Variants in TMEM132C observed in about 807,000 individuals in gnomAD.
TMEM132C encodes the protein transmembrane protein 132C, also known as protein phosphatase 1, regulatory subunit 152.
TMEM132C carries 29 observed loss-of-function variants against 61.4 expected under a neutral mutation model. That is an observed-to-expected ratio of 0.47 (90% CI 0.35 to 0.64). TMEM132C has a LOEUF of 0.64. Ranked by LOEUF, TMEM132C falls within the 30% of genes least tolerant of loss-of-function variation. The probability of loss-of-function intolerance (pLI) is 0.00; values close to 1 mark genes in which losing one functional copy is unlikely to be tolerated. For synonymous variants in TMEM132C, 656 were observed against 633.1 expected (o/e 1.04, Z -0.54); for missense variants, 1,408 against 1,476.9 (o/e 0.95, Z 0.76).
chr12:128,614,076 G>T (rs1309604452), intron 3 of TMEM132C, among the ~76,000 whole-genome samples: 3 of 152,156 alleles, frequency 2.0e-5, no homozygotes, highest in African/African-American at 7.2e-5. Context: ...GGATGCCAAG[G>T]CTCACCAGAA....
intron 1 of TMEM132C, among the ~76,000 whole-genome samples, chr12:128,379,786 G>A (rs1218675354): frequency 6.6e-6 from 1 of 152,176 alleles, no homozygotes; most frequent in Admixed American, 6.5e-5. Flanking sequence ...TGCATGTTCT[G>A]GGGCTTGGGC....
intron 3 of TMEM132C, among the ~76,000 whole-genome samples, chr12:128,545,332 A>G (rs114937605): frequency 0.069 from 10,428 of 152,226 alleles, 856 homozygotes; most frequent in African/African-American, 0.2. Flanking sequence ...GTAGTAGTCT[A>G]TGGTGGATGT....
intron 5 of TMEM132C, among the ~76,000 whole-genome samples, chr12:128,685,722 C>T (rs1019516587): frequency 1.3e-5 from 2 of 151,084 alleles, no homozygotes; most frequent in African/African-American, 4.9e-5. Flanking sequence ...GCCAGCTCAG[C>T]GTCATGGCTG....
intron 1 of TMEM132C, among the ~76,000 whole-genome samples, chr12:128,299,701 G>C (rs1341785437): frequency 6.6e-6 from 1 of 152,202 alleles, no homozygotes; most frequent in Non-Finnish European, 1.5e-5. Context: ...AGGGTGTATA[G>C]CTTGGTCACC....
intron 1 of TMEM132C, among the ~76,000 whole-genome samples, chr12:128,331,033 C>T (rs1184977067): frequency 6.6e-6 from 1 of 152,086 alleles, no homozygotes; most frequent in African/African-American, 2.4e-5. Context: ...TGAAAGAAAG[C>T]AAACATCACT....
chr12:128,437,337 G>A (rs1287095503), intron 2 of TMEM132C, among the ~76,000 whole-genome samples: 1 of 151,970 alleles, frequency 6.6e-6, no homozygotes, highest in Non-Finnish European at 1.5e-5. Flanking sequence ...TAAATATAAG[G>A]ACATTAATTG....
chr12:128,474,147 G>A (rs1871081141), intron 2 of TMEM132C, among the ~76,000 whole-genome samples: 1 of 152,194 alleles, frequency 6.6e-6, no homozygotes, highest in South Asian at 2.1e-4. Context: ...GCCCAGGGCT[G>A]AAACACAGAT....
intron 2 of TMEM132C, among the ~76,000 whole-genome samples, chr12:128,506,686 A>T (rs1403795847): frequency 1.3e-5 from 2 of 152,036 alleles, no homozygotes; most frequent in African/African-American, 4.8e-5. Context: ...TCTGTTGGTA[A>T]TGCCCGGCCT....
chr12:128,577,971 AC>A (rs2135557647), intron 3 of TMEM132C, among the ~76,000 whole-genome samples: 1 of 152,382 alleles, frequency 6.6e-6, no homozygotes, highest in Non-Finnish European at 1.5e-5. Flanking sequence ...ATTAGTACAT[AC>A]TATTATTATT....
intron 3 of TMEM132C, among the ~76,000 whole-genome samples, chr12:128,579,083 G>A (rs11059773): frequency 0.04 from 6,125 of 152,250 alleles, 271 homozygotes; most frequent in East Asian, 0.22. Flanking sequence ...ACACACAAGC[G>A]AATGCTGCCA....
intron 3 of TMEM132C, among the ~76,000 whole-genome samples, chr12:128,549,759 C>A (rs765209029): frequency 1.3e-5 from 2 of 152,092 alleles, no homozygotes; most frequent in Non-Finnish European, 2.9e-5. Flanking sequence ...CTGTGTGCCT[C>A]GCGCTCTCCA....
At chr12:128,394,406 C>T (rs145524796) in intron 1 of TMEM132C, among the ~76,000 whole-genome samples, 1 of 152,326 alleles carries the variant, frequency 6.6e-6, no homozygotes, top group African/African-American at 2.4e-5. Flanking sequence ...CTGCTGGGTA[C>T]TCTCTGGGCT....
At chr12:128,482,693 A>G (rs777273491) in intron 2 of TMEM132C, among the ~76,000 whole-genome samples, 1 of 152,026 alleles carries the variant, frequency 6.6e-6, no homozygotes, top group African/African-American at 2.4e-5. Flanking sequence ...TTCCTGGTTT[A>G]GTCTCGGGAG....
At chr12:128,379,342 A>G (rs932994296) in intron 1 of TMEM132C, among the ~76,000 whole-genome samples, 5 of 152,210 alleles carry the variant, frequency 3.3e-5, no homozygotes, top group Non-Finnish European at 5.9e-5. Context: ...GTTTTGGTCA[A>G]TCAGCCCACA....
At chr12:128,417,042 C>T (rs4882694) in intron 2 of TMEM132C, among the ~76,000 whole-genome samples, 51,509 of 151,960 alleles carry the variant, frequency 0.34, 10,529 homozygotes, top group Non-Finnish European at 0.46. Flanking sequence ...GTATCATGAC[C>T]TTGTGACTGA....
intron 3 of TMEM132C, among the ~76,000 whole-genome samples, chr12:128,596,385 G>A (rs992725138): frequency 2.7e-5 from 4 of 149,718 alleles, no homozygotes; most frequent in Non-Finnish European, 4.4e-5. Context: ...GAGTGGGCAG[G>A]GCTTGACTGA....
At chr12:128,588,129 A>G (rs2135564283) in intron 3 of TMEM132C, among the ~76,000 whole-genome samples, 1 of 152,340 alleles carries the variant, frequency 6.6e-6, no homozygotes, top group East Asian at 1.9e-4. Context: ...ATTGGTCACA[A>G]GATGACTTTC....
intron 3 of TMEM132C, among the ~76,000 whole-genome samples, chr12:128,569,506 A>AT (rs1289376892): frequency 1.3e-5 from 2 of 152,338 alleles, no homozygotes; most frequent in South Asian, 2.1e-4. Context: ...TAGTGGACAG[A>AT]TTTTTTAACC....
rs536205297 is a variant in TMEM132C, at chr12:128,695,914, G to T, written c.1740G>T (p.Arg580=). 5.1e-5 allele frequency: 79 copies of T among 1,551,722 alleles called. No homozygotes were observed. The South Asian group carries it at 8.9e-4, about 18-fold the overall frequency. Residue 580 remains arginine, a synonymous_variant, in exon 7 of 9, where the codon CGG becomes CGT. Coordinates refer to ENST00000435159, the MANE Select transcript of TMEM132C (RefSeq NM_001136103.3). ...TGCAATACCAGCACGCCACCGTGCG[G>T]GTCCTCACCCAGTTTGTGTCTGAGG... ...CALQYQHATV[R]VLTQFVSEGA... is the part of the protein sequence containing the mutation.
Sources: gnomAD v4.1 joint callset for allele counts (sites outside exome capture counted in the v4.1 genomes callset) on GRCh38, gnomAD v4.1.1 for gene constraint, MANE v1.5 for transcripts, NCBI Gene and HGNC (gene_info 2026-07-23, HGNC 2026-07-21) for gene names.